RGS7: variants seen among roughly 807,000 people sequenced by gnomAD.
RGS7 encodes regulator of G-protein signaling 7.
RGS7 carries 27 observed loss-of-function variants against 81.1 expected under a neutral mutation model. That is an observed-to-expected ratio of 0.33 (90% CI 0.25 to 0.46). RGS7 has a LOEUF of 0.46. RGS7 is among the 20% of genes least tolerant of loss of function. RGS7 has a pLI of 1.00. For synonymous variants in RGS7, 208 were observed against 207.7 expected, an observed-to-expected ratio of 1.00 and a Z score of -0.01; for missense variants, 396 against 607.4, an observed-to-expected ratio of 0.65 and a Z score of 3.66.
intron 6 of RGS7, among the ~76,000 whole-genome samples, chr1:240,918,771 G>C (rs749002120): frequency 7.9e-5 from 12 of 151,436 alleles, no homozygotes; most frequent in Non-Finnish European, 1.8e-4. Flanking sequence ...AAAATCAATA[G>C]AGAAATTCAA....
At chr1:241,204,748 G>T (rs1201636317) in intron 2 of RGS7, among the ~76,000 whole-genome samples, 1 of 151,428 alleles carries the variant, frequency 6.6e-6, no homozygotes. Flanking sequence ...TGTTAATGAT[G>T]GCACACTCTG....
chr1:241,324,622 C>T (rs1174690779), intron 2 of RGS7, among the ~76,000 whole-genome samples: 3 of 152,180 alleles, frequency 2.0e-5, no homozygotes, highest in Non-Finnish European at 4.4e-5. Flanking sequence ...TGAATAAAGA[C>T]CAGATTTCCT....
intron 3 of RGS7, among the ~76,000 whole-genome samples, chr1:240,987,755 C>A (rs1437680925): frequency 6.6e-5 from 10 of 151,966 alleles, no homozygotes; most frequent in African/African-American, 2.4e-4. Context: ...GTCTTGAAAT[C>A]CTGGCCTTAA....
chr1:241,217,972 T>TA (rs1021592812), intron 2 of RGS7, among the ~76,000 whole-genome samples: 1 of 152,192 alleles, frequency 6.6e-6, no homozygotes, highest in African/African-American at 2.4e-5. Flanking sequence ...GAAGCATTAA[T>TA]AAAAAGATGG....
intron 3 of RGS7, among the ~76,000 whole-genome samples, chr1:241,028,756 A>T (rs2059918450): frequency 1.3e-5 from 2 of 152,146 alleles, no homozygotes; most frequent in Admixed American, 1.3e-4. Flanking sequence ...ACACAAAATA[A>T]TCAGCAACAA....
chr1:241,156,169 GATAC>G (rs1345706149), intron 2 of RGS7, among the ~76,000 whole-genome samples: 1 of 142,752 alleles, frequency 7.0e-6, no homozygotes, highest in Non-Finnish European at 1.6e-5. Context: ...TAGATAGATA[GATAC>G]ATATACATAG....
intron 9 of RGS7, among the ~76,000 whole-genome samples, chr1:240,866,302 G>C (rs1663228475): frequency 6.6e-6 from 1 of 152,118 alleles, no homozygotes; most frequent in Admixed American, 6.6e-5. Flanking sequence ...ACGAGGTCAG[G>C]AGATCGAGAT....
intron 3 of RGS7, among the ~76,000 whole-genome samples, chr1:241,079,383 TA>T (rs2063008171): frequency 6.6e-6 from 1 of 152,168 alleles, no homozygotes; most frequent in Admixed American, 6.5e-5. Flanking sequence ...TCCAGGTGCT[TA>T]AAGCCGTTAT....
intron 9 of RGS7, among the ~76,000 whole-genome samples, chr1:240,862,552 A>C (rs1328459451): frequency 6.6e-6 from 1 of 152,176 alleles, no homozygotes; most frequent in African/African-American, 2.4e-5. Context: ...ATCAGGTGTT[A>C]CCTGGTTTTT....
chr1:240,869,580 G>GT (rs1438358083), intron 7 of RGS7, among the ~76,000 whole-genome samples: 1 of 152,190 alleles, frequency 6.6e-6, no homozygotes, highest in African/African-American at 2.4e-5. Context: ...ATGAAGAGAG[G>GT]AAGTAAGCAA....
At chr1:240,963,874 T>C (rs1342313181) in intron 4 of RGS7, among the ~76,000 whole-genome samples, 1 of 152,156 alleles carries the variant, frequency 6.6e-6, no homozygotes, top group Non-Finnish European at 1.5e-5. Context: ...ATGTTGGGCA[T>C]GGTGGCCCAC....
intron 2 of RGS7, among the ~76,000 whole-genome samples, chr1:241,274,665 A>G (rs2078096546): frequency 6.6e-6 from 1 of 152,264 alleles, no homozygotes; most frequent in East Asian, 1.9e-4. Context: ...ATGGAAGAGT[A>G]GAACTGGTTC....
chr1:241,158,453 A>G (rs1279039165), intron 2 of RGS7, among the ~76,000 whole-genome samples: 1 of 152,110 alleles, frequency 6.6e-6, no homozygotes, highest in Non-Finnish European at 1.5e-5. Context: ...TGATGTAGAG[A>G]CCCCACGTTA....
At chr1:241,103,051 G>A (rs1293592650) in intron 2 of RGS7, among the ~76,000 whole-genome samples, 1 of 151,078 alleles carries the variant, frequency 6.6e-6, no homozygotes, top group Admixed American at 6.6e-5. Context: ...ACAGTAAGAG[G>A]TATGAGGGAT....
At chr1:240,911,679 A>T (rs1671772334) in intron 6 of RGS7, among the ~76,000 whole-genome samples, 1 of 152,198 alleles carries the variant, frequency 6.6e-6, no homozygotes, top group African/African-American at 2.4e-5. Flanking sequence ...AAAAACACTC[A>T]TGCCCAGTGG....
intron 2 of RGS7, among the ~76,000 whole-genome samples, chr1:241,139,605 C>A (rs1366869617): frequency 6.6e-6 from 1 of 152,166 alleles, no homozygotes; most frequent in Non-Finnish European, 1.5e-5. Context: ...GGCTGCACCA[C>A]CTTATATTCC....
intron 2 of RGS7, among the ~76,000 whole-genome samples, chr1:241,123,446 C>A (rs2066428472): frequency 6.6e-6 from 1 of 152,142 alleles, no homozygotes; most frequent in Non-Finnish European, 1.5e-5. Flanking sequence ...CTCAAAGGCT[C>A]AGGGGCAAGA....
In RGS7 at chr1:241,238,661, A is replaced by G. The variant is rs1367805174; in HGVS notation, c.78+117038T>C. ...GTGATCCTCCTGCCTCGGCCTCCTG[A>G]GTGGCTAGGATTACACATGTGTGTC... On this transcript the variant is annotated intron_variant, in intron 2 of 18. Coordinates refer to ENST00000440928, the MANE Select transcript of RGS7 (RefSeq NM_001364886.1). Among the ~76,000 whole-genome samples the G allele has an allele frequency of 2.6e-5, 4 of 152,180 alleles. No individual in the cohort carries two copies. In the South Asian group the frequency reaches 8.3e-4, roughly 32 times the overall value.
chr1:240,884,033 G>A (rs561695192), intron 6 of RGS7, among the ~76,000 whole-genome samples: 108 of 126,880 alleles, frequency 8.5e-4, no homozygotes, highest in African/African-American at 3.1e-3. Context: ...CTGAGATCAC[G>A]CCATTGCACT....
Sources: gnomAD v4.1 joint callset for allele counts (sites outside exome capture counted in the v4.1 genomes callset) on GRCh38, gnomAD v4.1.1 for gene constraint, MANE v1.5 for transcripts, NCBI Gene and HGNC (gene_info 2026-07-23, HGNC 2026-07-21) for gene names.